Variants in GINS1 observed in about 807,000 individuals in gnomAD.
GINS1 encodes DNA replication complex GINS protein PSF1.
Under a neutral mutation model 34.9 loss-of-function variants are expected in GINS1, and 26 were observed. The ratio of observed to expected loss-of-function variants is 0.74; its 90% CI spans 0.55 to 1.03. GINS1 has a LOEUF of 1.03. GINS1 is among the 50% of genes least tolerant of loss of function. GINS1 has a pLI of 0.00. For synonymous variants in GINS1, 97 were observed against 84.4 expected (o/e 1.15, Z -0.82); for missense variants, 235 against 237.9 (o/e 0.99, Z 0.08).
At chr20:25,416,288 T>C (rs1426442880) in intron 2 of GINS1, among the ~76,000 whole-genome samples, 3 of 152,194 alleles carry the variant, frequency 2.0e-5, no homozygotes, top group Non-Finnish European at 2.9e-5. Context: ...TCTGTGTTTA[T>C]GCCATTCGCA....
chr20:25,416,900 A>T (rs985457896), intron 2 of GINS1, among the ~76,000 whole-genome samples: 1 of 152,240 alleles, frequency 6.6e-6, no homozygotes, highest in Non-Finnish European at 1.5e-5. Flanking sequence ...ATCTGGTAGC[A>T]TGATCTTAGG....
intron 5 of GINS1, among the ~76,000 whole-genome samples, chr20:25,429,133 C>T (rs566616481): frequency 9.1e-4 from 138 of 151,908 alleles, no homozygotes; most frequent in African/African-American, 3.1e-3. Context: ...AGACTAAAGG[C>T]GCCTACCACC....
intron 1 of GINS1, among the ~76,000 whole-genome samples, chr20:25,412,496 A>C (rs1380357712): frequency 6.6e-6 from 1 of 152,080 alleles, no homozygotes; most frequent in African/African-American, 2.4e-5. Flanking sequence ...CAGAGGTTGC[A>C]GTGAGCCGAG....
chr20:25,425,312 A>C lies in GINS1; in HGVS notation c.432A>C (p.Lys144Asn), dbSNP rs2090384834. Residue 144 changes from lysine (K) to asparagine (N), a missense_variant, in exon 5 of 7, where the codon AAA (lysine) becomes AAC (asparagine). Coordinates refer to ENST00000262460, the MANE Select transcript of GINS1 (RefSeq NM_021067.5). ...LDITQDMKPPKSLYIEVRCLK... is the reference protein window; with the variant it reads ...LDITQDMKPPNSLYIEVRCLK... ...TTACACAGGATATGAAACCACCAAA[A>C]AGCCTATATATTGAAGTATGTATAT... 1 of 1,412,204 alleles carries C rather than the reference A, an allele frequency of 7.1e-7. No individual in the cohort carries two copies. The highest frequency in any genetic ancestry group is 1.0e-6 in the Non-Finnish European group (1 of 998,474). 87.5% of individuals were successfully genotyped at this position (1,412,204 alleles called of 1,614,324 possible). A position where few individuals can be genotyped will look rare whatever the true frequency, so the allele number is the denominator to read the frequency against.
chr20:25,437,399 C>A (rs1388557638), intron 5 of GINS1, among the ~76,000 whole-genome samples: 2 of 152,264 alleles, frequency 1.3e-5, no homozygotes, highest in Non-Finnish European at 2.9e-5. Flanking sequence ...TGCACTGTGG[C>A]CTGCCACAAA....
At chr20:25,431,499 C>T (rs2482918) in intron 5 of GINS1, among the ~76,000 whole-genome samples, 90,249 of 151,242 alleles carry the variant, frequency 0.6, 27,963 homozygotes, top group African/African-American at 0.72. Flanking sequence ...AGGTGGTTGG[C>T]TTGAAATTTG....
At chr20:25,409,071 A>G (rs1277233580) in intron 1 of GINS1, 1 of 978,412 alleles carries the variant, frequency 1.0e-6, no homozygotes, top group Non-Finnish European at 1.2e-6. Flanking sequence ...TGATCTGAGA[A>G]GGAAGCGAGG....
At chr20:25,421,546 A>G (rs532145135) in intron 4 of GINS1, among the ~76,000 whole-genome samples, 31 of 152,192 alleles carry the variant, frequency 2.0e-4, no homozygotes, top group Non-Finnish European at 3.2e-4. Flanking sequence ...TCAAAGTAGT[A>G]ACATCTTTTA....
In GINS1 at chr20:25,430,409, TATTG is replaced by T. The variant is rs147857727; in HGVS notation, c.447+5090_447+5093del. Reference sequence around the variant, plus strand: ...TTCCCTTCGTTCTGTTAATGACTTATATTGATTGATTTTCATATCTTGAACTGTC... The same window carrying T: ...TTCCCTTCGTTCTGTTAATGACTTATATTGATTTTCATATCTTGAACTGTC... On this transcript the variant is annotated intron_variant, in intron 5 of 6. Coordinates refer to ENST00000262460, the MANE Select transcript of GINS1 (RefSeq NM_021067.5). 5.9e-5 allele frequency among the ~76,000 whole-genome samples: 9 copies of T among 152,384 alleles called. No individual in the cohort carries two copies. In the East Asian group the frequency reaches 1.3e-3, roughly 23 times the overall value.
At chr20:25,424,273 C>A (rs796231989) in intron 4 of GINS1, among the ~76,000 whole-genome samples, 1 of 152,020 alleles carries the variant, frequency 6.6e-6, no homozygotes, top group Admixed American at 6.6e-5. Flanking sequence ...AACTATTAGC[C>A]CTTTGCACTT....
At chr20:25,420,186 T>A (rs1183501151) in intron 4 of GINS1, among the ~76,000 whole-genome samples, 6 of 152,016 alleles carry the variant, frequency 3.9e-5, no homozygotes, top group Non-Finnish European at 7.4e-5. Flanking sequence ...CCAGCTGGAG[T>A]GCAGTGGCAC....
intron 6 of GINS1, among the ~76,000 whole-genome samples, chr20:25,444,146 G>T (rs1387180801): frequency 6.6e-6 from 1 of 151,828 alleles, no homozygotes; most frequent in East Asian, 1.9e-4. Context: ...CGAGTAGCTG[G>T]GATTGCAGGC....
At chr20:25,445,641 CT>C (rs1223827868) in intron 6 of GINS1, among the ~76,000 whole-genome samples, 3 of 152,184 alleles carry the variant, frequency 2.0e-5, no homozygotes, top group Non-Finnish European at 4.4e-5. Flanking sequence ...TCCACTGCCC[CT>C]GGGCCAACTT....
Position 25,407,835 on chromosome 20 carries a change from A to G in GINS1, c.15A>G (p.Lys5=). 1 of 1,613,940 alleles carries G rather than the reference A, an allele frequency of 6.2e-7. No individual in the cohort carries two copies. The highest frequency in any genetic ancestry group is 1.1e-5 in the South Asian group (1 of 91,076). Residue 5 remains lysine, a synonymous_variant, in exon 1 of 7, where the codon AAA becomes AAG. Coordinates refer to ENST00000262460, the MANE Select transcript of GINS1 (RefSeq NM_021067.5). ...AAGCGTCCGCCATGTTCTGCGAAAAAGCCATGGAACTGATCCGCGAGCTGC... is the reference window on the plus strand; with the variant it reads ...AAGCGTCCGCCATGTTCTGCGAAAAGGCCATGGAACTGATCCGCGAGCTGC... MFCE[K]AMELIRELHR... is the part of the protein sequence containing the mutation.
chr20:25,413,984 G>A, intron 2 of GINS1, 130 bp downstream of exon 2: 1 of 589,400 alleles, frequency 1.7e-6, no homozygotes, highest in South Asian at 1.8e-5. Context: ...GAGGTCAGGA[G>A]TTTGAGATCA....
intron 4 of GINS1, chr20:25,420,830 G>C: frequency 1.0e-6 from 1 of 957,698 alleles, no homozygotes; most frequent in Non-Finnish European, 1.2e-6. Flanking sequence ...GAATATACAT[G>C]GTCTCGTTCT....
rs893218268 is a variant in GINS1 at position 25,446,836 on chromosome 20, A to G, written c.*845A>G. The G allele has an allele frequency of 5.3e-5, 8 of 152,200 alleles. No homozygotes were observed. The highest frequency in any genetic ancestry group is 2.1e-4 in the South Asian group (1 of 4,832). 9.4% of individuals were successfully genotyped at this position (152,200 alleles called of 1,614,324 possible). The stretch of plus-strand genomic sequence containing the variant: ...GAAGAGTTGATTGTCTTTTAATGGT[A>G]TGTTTTAAACAGCTGACATTTTAAA... On this transcript the variant is annotated 3_prime_UTR_variant, in exon 7 of 7. Coordinates refer to ENST00000262460, the MANE Select transcript of GINS1 (RefSeq NM_021067.5).
At chr20:25,420,814 T>C (rs2090350922) in intron 4 of GINS1, 1 of 907,326 alleles carries the variant, frequency 1.1e-6, no homozygotes, top group Non-Finnish European at 1.3e-6. Context: ...AGAAAAAGAA[T>C]AAAAGGAATA....
chr20:25,422,198 T>C (rs2146201914), intron 4 of GINS1, among the ~76,000 whole-genome samples: 1 of 152,236 alleles, frequency 6.6e-6, no homozygotes, highest in Admixed American at 6.5e-5. Context: ...GAAAGAACAT[T>C]GCTCCGGAAC....
Sources: gnomAD v4.1 joint callset for allele counts (sites outside exome capture counted in the v4.1 genomes callset) on GRCh38, gnomAD v4.1.1 for gene constraint, MANE v1.5 for transcripts, NCBI Gene and HGNC (gene_info 2026-07-23, HGNC 2026-07-21) for gene names.